Variants in NPIPB11 observed in about 807,000 individuals in gnomAD.
NPIPB11 encodes the protein nuclear pore complex interacting protein family member B11.
NPIPB11 carries 17 observed loss-of-function variants against 32.8 expected under a neutral mutation model. The observed-to-expected ratio is 0.52, with a 90% CI of 0.35 to 0.78. The LOEUF is 0.78. NPIPB11 is among the 30% of genes least tolerant of loss of function. NPIPB11 has a pLI of 0.01. For synonymous variants in NPIPB11, 209 were observed against 398.4 expected, an observed-to-expected ratio of 0.52 and a Z score of 5.66; for missense variants, 537 against 1,000.4, an observed-to-expected ratio of 0.54 and a Z score of 6.25.
chr16:29,406,405 A>G (rs1274721483), upstream of NPIPB11, among the ~76,000 whole-genome samples: 1 of 152,264 alleles, frequency 6.6e-6, no homozygotes, highest in African/African-American at 2.4e-5. Flanking sequence ...AATGTTTGCT[A>G]AAGTTATATT....
At chr16:29,401,568 C>T (rs1963992167) in intron 2 of NPIPB11, among the ~76,000 whole-genome samples, 4 of 152,168 alleles carry the variant, frequency 2.6e-5, no homozygotes. Context: ...TCTGCCCCTC[C>T]ACAGTCTCCC....
chr16:29,387,070 C>A (rs2142120777), intron 5 of NPIPB11, among the ~76,000 whole-genome samples: 1 of 9,168 alleles, frequency 1.1e-4, no homozygotes, highest in East Asian at 9.3e-4. Context: ...ATTCAAAGAT[C>A]CCCCCTGCAA....
intron 2 of NPIPB11, among the ~76,000 whole-genome samples, chr16:29,394,960 G>T (rs1297793381): frequency 6.9e-6 from 1 of 144,170 alleles, no homozygotes; most frequent in South Asian, 2.3e-4. Context: ...TGGTCAGGGT[G>T]GTCTCGAACT....
At chr16:29,389,095 TGA>T (rs1963640595) in intron 5 of NPIPB11, among the ~76,000 whole-genome samples, 1 of 150,978 alleles carries the variant, frequency 6.6e-6, no homozygotes, top group Admixed American at 6.6e-5. Flanking sequence ...CTCAAGAGGC[TGA>T]GAGATAAGAA....
intron 3 of NPIPB11, among the ~76,000 whole-genome samples, chr16:29,391,598 A>G (rs1963724314): frequency 6.6e-6 from 1 of 151,738 alleles, no homozygotes; most frequent in Admixed American, 6.6e-5. Flanking sequence ...CAAGATTTCC[A>G]TATTATCACA....
At chr16:29,402,046 G>T (rs1964004517) in intron 2 of NPIPB11, among the ~76,000 whole-genome samples, 1 of 151,602 alleles carries the variant, frequency 6.6e-6, no homozygotes, top group African/African-American at 2.4e-5. Flanking sequence ...GTAGGTTTCA[G>T]TTCCAGCTCT....
chr16:29,397,075 G>T (rs963146992), intron 2 of NPIPB11, among the ~76,000 whole-genome samples: 2 of 150,648 alleles, frequency 1.3e-5, no homozygotes, highest in Non-Finnish European at 3.0e-5. Context: ...GGAGGCTGAG[G>T]CAGGACAATT....
chr16:29,406,476 G>T (rs1161860780), upstream of NPIPB11, among the ~76,000 whole-genome samples: 9 of 152,192 alleles, frequency 5.9e-5, no homozygotes, highest in Non-Finnish European at 1.2e-4. Context: ...CCAGCACTTT[G>T]GGAGACAAAG....
At chr16:29,405,593 C>T (rs939304577), upstream of NPIPB11, among the ~76,000 whole-genome samples, 5 of 152,134 alleles carry the variant, frequency 3.3e-5, no homozygotes, top group Non-Finnish European at 7.3e-5. Flanking sequence ...TGATGAAGCA[C>T]TCTGTCCAAT....
chr16:29,399,865 T>A (rs1339463607), intron 2 of NPIPB11, among the ~76,000 whole-genome samples: 1 of 151,584 alleles, frequency 6.6e-6, no homozygotes, highest in African/African-American at 2.4e-5. Context: ...CATCACGAGG[T>A]TAGGAGTTCG....
chr16:29,382,288 C>A (rs753247128), exon 8 of NPIPB11: 5 of 1,600,814 alleles, frequency 3.1e-6, no homozygotes, highest in Middle Eastern at 2.3e-4. Context: ...AGACGCTCCC[C>A]GCAGACGCTC....
chr16:29,389,668 G>GAAAAAA (rs1160526743), intron 5 of NPIPB11, among the ~76,000 whole-genome samples: 61 of 17,210 alleles, frequency 3.5e-3, no homozygotes, highest in Non-Finnish European at 4.2e-3. Context: ...TCCATCTCAG[G>GAAAAAA]AAAAAAAAAA....
intron 3 of NPIPB11, among the ~76,000 whole-genome samples, chr16:29,393,594 G>A (rs1963774230): frequency 6.6e-6 from 1 of 150,500 alleles, no homozygotes; most frequent in Admixed American, 6.6e-5. Flanking sequence ...AGAGGAGATT[G>A]GAAGCTTTCC....
chr16:29,383,191 T>A lies in NPIPB11; in HGVS notation c.1741A>T (p.Lys581Ter), dbSNP rs759018408. Reference sequence around the variant, plus strand: ...AACTGCAGATGCTCGGCAGGTGTCTTGATATTATCATCTGCTGAGGGTGGA... The same window carrying A: ...AACTGCAGATGCTCGGCAGGTGTCTAGATATTATCATCTGCTGAGGGTGGA... Residue 581 changes from lysine to a stop codon, truncating the protein, a stop_gained, in exon 8 of 8, where the codon AAG (lysine) becomes TAG (stop). Coordinates refer to ENST00000524087, the Ensembl canonical transcript of NPIPB11. LOFTEE classifies it low-confidence loss of function (END_TRUNC). 5 of 1,591,664 alleles carry A rather than the reference T, an allele frequency of 3.1e-6. No homozygotes were observed. Among genetic ancestry groups the A allele is most frequent in the Non-Finnish European group, 4.3e-6 (5 of 1,169,384 alleles).
At chr16:29,390,955 C>CTCT (rs1224241373) in intron 3 of NPIPB11, among the ~76,000 whole-genome samples, 1 of 106,246 alleles carries the variant, frequency 9.4e-6, no homozygotes, top group Non-Finnish European at 1.8e-5. Flanking sequence ...AAAATTGAAA[C>CTCT]TGTCTCAAAA....
Position 29,403,929 on chromosome 16 carries a change from AC to A in NPIPB11, c.-39+63del, listed in dbSNP as rs1331472562. On this transcript the variant is annotated intron_variant, in intron 1 of 7. Transcript: ENST00000524087. ...TAGTGGTCAAGGGCTTCAGAAAAGG[AC>A]AGAACCAAGTTCAAATTCCTGTACT... 491 of 614,054 alleles carry A rather than the reference AC, an allele frequency of 8.0e-4. 4 individuals carry two copies. The South Asian group carries it at 9.3e-3, about 12-fold the overall frequency. 38.0% of individuals were successfully genotyped at this position (614,054 alleles called of 1,614,324 possible).
chr16:29,402,866 G>T (rs1964030148), intron 2 of NPIPB11, among the ~76,000 whole-genome samples: 1 of 124,874 alleles, frequency 8.0e-6, no homozygotes. Flanking sequence ...TATTACTATT[G>T]GACTTTTTGT....
chr16:29,393,248 C>T (rs556720931), intron 3 of NPIPB11, among the ~76,000 whole-genome samples: 2 of 151,592 alleles, frequency 1.3e-5, no homozygotes, highest in African/African-American at 2.4e-5. Flanking sequence ...GTCTCTGGGG[C>T]TTTCTCTGCA....
At chr16:29,405,303 C>T (rs1374964826), upstream of NPIPB11, among the ~76,000 whole-genome samples, 22 of 151,500 alleles carry the variant, frequency 1.5e-4, no homozygotes, top group Non-Finnish European at 2.9e-5. Context: ...CCTTTTCTGC[C>T]CTCCAAGACT....
Sources: allele counts gnomAD v4.1 joint callset (sites outside exome capture counted in the v4.1 genomes callset), GRCh38; gene constraint gnomAD v4.1.1; transcripts MANE v1.5; gene names NCBI Gene and HGNC (gene_info 2026-07-23, HGNC 2026-07-21).